Variants in GFRA1 observed in about 807,000 individuals in gnomAD.
GFRA1 encodes the protein GDNF family receptor alpha 1.
A neutral mutation model predicts 51.6 loss-of-function variants in GFRA1; 16 were observed. The ratio of observed to expected loss-of-function variants is 0.31; its 90% CI spans 0.21 to 0.47. The LOEUF (loss-of-function observed/expected upper bound fraction) is 0.47, where lower values mean the gene tolerates loss of function less well. GFRA1 is among the 20% of genes least tolerant of loss of function. The probability of loss-of-function intolerance (pLI) is 1.00; values close to 1 mark genes in which losing one functional copy is unlikely to be tolerated. For synonymous variants in GFRA1, 270 were observed against 241.3 expected (o/e 1.12, Z -1.10); for missense variants, 530 against 594.3 (o/e 0.89, Z 1.13).
At position 116,060,768 on chromosome 10, in the gene GFRA1, G is replaced by GC. The variant is rs749968123; in HGVS notation, c.*3629dup. The GC allele has an allele frequency of 1.4e-4, 21 of 152,256 alleles. No homozygotes were observed. The highest frequency in any genetic ancestry group is 5.9e-4 in the Admixed American group (9 of 15,294). 9.4% of individuals were successfully genotyped at this position (152,256 alleles called of 1,614,324 possible). The stretch of plus-strand genomic sequence containing the variant: ...TAGAACACGTGAATTCATTTAAGCA[G>GC]CCCTTTTCTGGTCCACAGTTTATTG... On this transcript the variant is annotated 3_prime_UTR_variant, in exon 11 of 11. Transcript: ENST00000355422.
chr10:116,235,478 C>T (rs964335479), intron 4 of GFRA1, among the ~76,000 whole-genome samples: 1 of 152,118 alleles, frequency 6.6e-6, no homozygotes, highest in African/African-American at 2.4e-5. Context: ...ACCAAGAAAT[C>T]ACCCATCATC....
At position 116,059,870 on chromosome 10, in the gene GFRA1, T is replaced by G. The variant is rs376790226; in HGVS notation, c.*4528A>C. 184 of 152,304 alleles carry G rather than the reference T, an allele frequency of 1.2e-3. No individual in the cohort carries two copies. Among genetic ancestry groups the G allele is most frequent in the African/African-American group, 4.3e-3 (178 of 41,552 alleles). The allele number at this position is 152,304 out of a possible 1,614,324, so 9.4% of individuals were successfully genotyped here. Reference sequence around the variant, plus strand: ...CATCATCTTCAGATCATCTGGCTCCTGAGAGAGGCTTCTCTGTCTTAAAAT... The same window carrying G: ...CATCATCTTCAGATCATCTGGCTCCGGAGAGAGGCTTCTCTGTCTTAAAAT... On this transcript the variant is annotated 3_prime_UTR_variant, in exon 11 of 11. Transcript: ENST00000355422.
intron 8 of GFRA1, among the ~76,000 whole-genome samples, chr10:116,093,429 A>G (rs1956436849): frequency 6.6e-6 from 1 of 152,190 alleles, no homozygotes; most frequent in South Asian, 2.1e-4. Context: ...TTGCTCTCTC[A>G]GGCCTTTGGA....
Position 116,259,491 on chromosome 10 carries a change from A to G in GFRA1, c.418+10012T>C, listed in dbSNP as rs139593265. Reference sequence around the variant, plus strand: ...GTTAATATTTCTGCAGTTCTGCAGGAATGGTTTTAATAGTACGCGTGTTCT... The same window carrying G: ...GTTAATATTTCTGCAGTTCTGCAGGGATGGTTTTAATAGTACGCGTGTTCT... On this transcript the variant is annotated intron_variant, in intron 4 of 10. Transcript: ENST00000355422. 5.2e-3 allele frequency among the ~76,000 whole-genome samples: 788 copies of G among 152,316 alleles called. 4 individuals are homozygous for G. The highest frequency in any genetic ancestry group is 0.016 in the African/African-American group (651 of 41,574).
intron 3 of GFRA1, among the ~76,000 whole-genome samples, chr10:116,269,958 G>A (rs1843768996): frequency 6.6e-6 from 1 of 152,064 alleles, no homozygotes; most frequent in Admixed American, 6.5e-5. Flanking sequence ...ATTTCTGCTT[G>A]CTCCCAAAAC....
chr10:116,142,114 G>A (rs886922770), intron 5 of GFRA1, among the ~76,000 whole-genome samples: 43 of 121,274 alleles, frequency 3.5e-4, no homozygotes, highest in African/African-American at 9.7e-4. Flanking sequence ...CTGAATGGAC[G>A]TGGACCAAGC....
At chr10:116,253,479 A>G (rs1157415042) in intron 4 of GFRA1, among the ~76,000 whole-genome samples, 1 of 152,132 alleles carries the variant, frequency 6.6e-6, no homozygotes, top group Non-Finnish European at 1.5e-5. Context: ...GTTGGGGTGC[A>G]TGCCTGTAGT....
At chr10:116,132,001 G>T (rs576652257) in intron 5 of GFRA1, among the ~76,000 whole-genome samples, 2 of 150,848 alleles carry the variant, frequency 1.3e-5, no homozygotes, top group Non-Finnish European at 2.9e-5. Context: ...GAGACCAGAA[G>T]ATCGAGACCA....
intron 4 of GFRA1, among the ~76,000 whole-genome samples, chr10:116,232,064 A>G (rs1966712448): frequency 6.6e-6 from 1 of 152,212 alleles, no homozygotes; most frequent in Non-Finnish European, 1.5e-5. Flanking sequence ...AATGGCTTAC[A>G]TTCTCTTCTC....
At chr10:116,248,037 G>C (rs1377971514) in intron 4 of GFRA1, among the ~76,000 whole-genome samples, 1 of 152,166 alleles carries the variant, frequency 6.6e-6, no homozygotes, top group Non-Finnish European at 1.5e-5. Flanking sequence ...TGGGTGGTGG[G>C]TACACAGGGG....
In GFRA1 at chr10:116,064,623, C is replaced by A. The variant is rs537398617; in HGVS notation, c.1252-79G>T. 6 of 1,336,226 alleles carry A rather than the reference C, an allele frequency of 4.5e-6. No homozygotes were observed. In the East Asian group the frequency reaches 9.2e-5, roughly 21 times the overall value. 82.8% of individuals were successfully genotyped at this position (1,336,226 alleles called of 1,614,324 possible). ...AGTATACTTTACACTCTCTCTCCCC[C>A]CGACTCCCCACTGGCTGACCCACTC... On this transcript the variant is annotated intron_variant, in intron 10 of 10. Transcript: ENST00000355422.
At chr10:116,181,094 C>T (rs970754412) in intron 5 of GFRA1, among the ~76,000 whole-genome samples, 2 of 152,182 alleles carry the variant, frequency 1.3e-5, no homozygotes, top group African/African-American at 4.8e-5. Context: ...AATAAGCCTA[C>T]TGGACTCCAT....
At chr10:116,256,672 T>C (rs1968885362) in intron 4 of GFRA1, among the ~76,000 whole-genome samples, 1 of 151,640 alleles carries the variant, frequency 6.6e-6, no homozygotes, top group Non-Finnish European at 1.5e-5. Context: ...ACTCCCTTCA[T>C]TTAGAACACT....
At chr10:116,161,823 A>G (rs1959836828) in intron 5 of GFRA1, among the ~76,000 whole-genome samples, 1 of 152,332 alleles carries the variant, frequency 6.6e-6, no homozygotes, top group South Asian at 2.1e-4. Context: ...ATGTTTTATT[A>G]GCGTGTGAAA....
In GFRA1 at chr10:116,098,028, G is replaced by A. The variant is rs559636437; in HGVS notation, c.771-1264C>T. On this transcript the variant is annotated intron_variant, in intron 6 of 10. Transcript: ENST00000355422. The stretch of plus-strand genomic sequence containing the variant: ...CAGTTCGCTGCAAAGGCATGTTTGT[G>A]TGGGGTTCTCTCCTTGAACCCTTGT... Among the ~76,000 whole-genome samples, 24 of 152,350 alleles carry A rather than the reference G, an allele frequency of 1.6e-4. No homozygotes were observed. The South Asian group carries it at 5.0e-3, about 32-fold the overall frequency.
intron 4 of GFRA1, among the ~76,000 whole-genome samples, chr10:116,242,033 G>A (rs1294000608): frequency 6.6e-6 from 1 of 152,192 alleles, no homozygotes; most frequent in Admixed American, 6.5e-5. Flanking sequence ...AACTCAGGCA[G>A]TTACCCAGAT....
intron 5 of GFRA1, among the ~76,000 whole-genome samples, chr10:116,143,579 C>T (rs959644634): frequency 2.0e-5 from 3 of 152,066 alleles, no homozygotes; most frequent in African/African-American, 7.2e-5. Flanking sequence ...GTTGCAACTG[C>T]TACCTGAATG....
At chr10:116,191,938 A>C (rs1251761804) in intron 5 of GFRA1, among the ~76,000 whole-genome samples, 1 of 152,172 alleles carries the variant, frequency 6.6e-6, no homozygotes, top group Non-Finnish European at 1.5e-5. Context: ...GAGACACGAG[A>C]ATAGCTTGAA....
At chr10:116,157,101 T>C (rs1314954847) in intron 5 of GFRA1, among the ~76,000 whole-genome samples, 1 of 152,180 alleles carries the variant, frequency 6.6e-6, no homozygotes, top group Non-Finnish European at 1.5e-5. Flanking sequence ...AAAAGGTGCT[T>C]TTAAACATTA....
Sources: allele counts gnomAD v4.1 joint callset (sites outside exome capture counted in the v4.1 genomes callset), GRCh38; gene constraint gnomAD v4.1.1; transcripts MANE v1.5; gene names NCBI Gene and HGNC (gene_info 2026-07-23, HGNC 2026-07-21).